ATP2B2: variants seen among roughly 807,000 people sequenced by gnomAD.
The protein encoded by ATP2B2 is ATPase plasma membrane Ca2+ transporting 2.
Under a neutral mutation model 120.0 loss-of-function variants are expected in ATP2B2, and 15 were observed. That is an observed-to-expected ratio of 0.12 (90% confidence interval 0.08 to 0.19). ATP2B2 has a LOEUF of 0.19. ATP2B2 is among the 10% of genes least tolerant of loss of function. The pLI, the probability that ATP2B2 is intolerant of heterozygous loss-of-function variation, is 1.00. For missense variants in ATP2B2, 1,045 were observed against 1,719.8 expected (o/e 0.61, Z 6.94); for synonymous variants, 694 against 700.3 (o/e 0.99, Z 0.14).
At chr3:10,683,115 C>T (rs554728748) in intron 1 of ATP2B2, among the ~76,000 whole-genome samples, 21 of 151,764 alleles carry the variant, frequency 1.4e-4, no homozygotes, top group African/African-American at 4.8e-4. Flanking sequence ...AACCCCTCTG[C>T]CAGGGTTTTT....
At chr3:10,489,986 A>C (rs1358506327) in intron 1 of ATP2B2, among the ~76,000 whole-genome samples, 1 of 152,172 alleles carries the variant, frequency 6.6e-6, no homozygotes, top group Admixed American at 6.5e-5. Context: ...GTGCCTGCTC[A>C]AGTGGTGCCT....
At chr3:10,610,465 C>A (rs1301361458) in intron 2 of ATP2B2, among the ~76,000 whole-genome samples, 1 of 152,174 alleles carries the variant, frequency 6.6e-6, no homozygotes, top group Non-Finnish European at 1.5e-5. Context: ...CTGCTTCTAG[C>A]TGCTTCTCCT....
chr3:10,337,343 G>A (rs112279498), intron 22 of ATP2B2, among the ~76,000 whole-genome samples: 4 of 152,252 alleles, frequency 2.6e-5, no homozygotes, highest in African/African-American at 9.6e-5. Flanking sequence ...CAAGCATGCT[G>A]GGGCATGGAG....
At chr3:10,515,298 T>C (rs2066855102) in intron 3 of ATP2B2, among the ~76,000 whole-genome samples, 1 of 152,174 alleles carries the variant, frequency 6.6e-6, no homozygotes, top group Non-Finnish European at 1.5e-5. Flanking sequence ...ACATAGTGGG[T>C]GTTCAGGGAT....
intron 1 of ATP2B2, among the ~76,000 whole-genome samples, chr3:10,461,959 T>G (rs1559367173): frequency 6.6e-6 from 1 of 152,122 alleles, no homozygotes; most frequent in Non-Finnish European, 1.5e-5. Context: ...GCACCTCCCT[T>G]CCTTCTTCCC....
chr3:10,447,162 C>T (rs183142239), intron 2 of ATP2B2, among the ~76,000 whole-genome samples: 4 of 152,354 alleles, frequency 2.6e-5, no homozygotes, highest in African/African-American at 7.2e-5. Flanking sequence ...AGAGCTCCCC[C>T]ACCTTAGGCT....
intron 2 of ATP2B2, among the ~76,000 whole-genome samples, chr3:10,540,905 T>C (rs927994258): frequency 2.6e-5 from 4 of 151,868 alleles, no homozygotes; most frequent in African/African-American, 9.7e-5. Context: ...GGATTTTTTT[T>C]TTAGGAAATT....
Position 10,358,465 on chromosome 3 carries a change from G to A in ATP2B2, c.2136+226C>T, listed in dbSNP as rs150725836. On this transcript the variant is annotated intron_variant, in intron 14 of 22. Transcript: ENST00000360273. ...CTGCCCCCATGGCAGAGCAATACCT[G>A]CTGGCAACCTGTGGGTTCTGTGTCC... Among the ~76,000 whole-genome samples the A allele has an allele frequency of 4.6e-5, 7 of 152,370 alleles. No homozygotes were observed. In the East Asian group the frequency reaches 1.2e-3, roughly 25 times the overall value.
chr3:10,661,641 G>A (rs1468617249), intron 1 of ATP2B2, among the ~76,000 whole-genome samples: 8 of 152,202 alleles, frequency 5.3e-5, no homozygotes, highest in Non-Finnish European at 7.3e-5. Context: ...TCATGGATAG[G>A]AAGAATCAAT....
intron 16 of ATP2B2, among the ~76,000 whole-genome samples, 160 bp downstream of exon 16, chr3:10,349,952 G>A (rs1030095769): frequency 6.6e-6 from 1 of 152,012 alleles, no homozygotes; most frequent in Non-Finnish European, 1.5e-5. Flanking sequence ...CAGGCTCCTG[G>A]GGCTGAAAAG....
intron 6 of ATP2B2, 145 bp from the exon 7 acceptor site, chr3:10,386,657 G>T: frequency 1.1e-6 from 1 of 935,724 alleles, no homozygotes; most frequent in Non-Finnish European, 1.7e-6. Context: ...ACATGTGGCG[G>T]GCTCTAAGCA....
At chr3:10,484,098 C>T (rs1466958198) in intron 1 of ATP2B2, among the ~76,000 whole-genome samples, 1 of 152,196 alleles carries the variant, frequency 6.6e-6, no homozygotes, top group Non-Finnish European at 1.5e-5. Context: ...GCAGCATTGG[C>T]GGGGTGCTGT....
intron 5 of ATP2B2, chr3:10,394,503 C>T (rs576167417): frequency 3.8e-5 from 18 of 471,202 alleles, no homozygotes; most frequent in Admixed American, 2.8e-4. Flanking sequence ...GTGCTCTATC[C>T]ACTACACCCC....
chr3:10,345,453 G>A lies in ATP2B2; in HGVS notation c.2634C>T (p.Phe878=), dbSNP rs867936951. The A allele has an allele frequency of 1.9e-6, 3 of 1,614,114 alleles. No homozygotes were observed. Among genetic ancestry groups the A allele is most frequent in the African/African-American group, 2.7e-5 (2 of 74,946 alleles). The change falls in exon 18 of 23, where the codon TTC becomes TTT. Residue 878 remains phenylalanine (F), a synonymous_variant. Transcript: ENST00000360273. The part of the protein sequence containing the change: ...GRNVYDSISK[F]LQFQLTVNVV... ...CGTTGACGGTGAGCTGGAACTGCAA[G>A]AATTTGGAGATGCTGTCATAGACGT...
In ATP2B2 at chr3:10,385,410, G is replaced by A. The variant is rs1483032193; in HGVS notation, c.941-83C>T. On this transcript the variant is annotated intron_variant, in intron 7 of 22. Transcript: ENST00000360273. Reference sequence around the variant, plus strand: ...GACAAAGACATGAACCAACTTGTGGGGAGATAACATGACTCTATTCTTAAA... The same window carrying A: ...GACAAAGACATGAACCAACTTGTGGAGAGATAACATGACTCTATTCTTAAA... 1.5e-5 allele frequency: 18 copies of A among 1,232,432 alleles called. No individual in the cohort carries two copies. In the Admixed American group the frequency reaches 3.0e-4, roughly 20 times the overall value. The allele number at this position is 1,232,432 out of a possible 1,614,324, so 76.3% of individuals were successfully genotyped here.
Position 10,450,876 on chromosome 3 carries a change from T to G in ATP2B2, c.-319-1014A>C, listed in dbSNP as rs547862240. Among the ~76,000 whole-genome samples the G allele has an allele frequency of 3.3e-5, 5 of 151,852 alleles. No individual in the cohort carries two copies. In the South Asian group the frequency reaches 1.0e-3, roughly 32 times the overall value. On this transcript the variant is annotated intron_variant, in intron 1 of 22. Transcript: ENST00000360273. ...GGCCGAGGCCCCAGCAAGCGTTGGG[T>G]GACAAAGGGCCCCAGCTGAGCTCGG...
At chr3:10,668,567 GA>G (rs143432245) in intron 1 of ATP2B2, among the ~76,000 whole-genome samples, 3,485 of 152,286 alleles carry the variant, frequency 0.023, 60 homozygotes, top group South Asian at 0.079. Flanking sequence ...TTCTTTCCCA[GA>G]TATCCTAAGG....
At chr3:10,678,018 G>C (rs1344996566) in intron 1 of ATP2B2, among the ~76,000 whole-genome samples, 1 of 152,110 alleles carries the variant, frequency 6.6e-6, no homozygotes, top group Non-Finnish European at 1.5e-5. Flanking sequence ...TACTGTCCAA[G>C]GTCACACAGC....
chr3:10,629,885 C>T (rs887907439), intron 1 of ATP2B2, among the ~76,000 whole-genome samples: 6 of 152,214 alleles, frequency 3.9e-5, no homozygotes, highest in African/African-American at 7.2e-5. Context: ...ACATGGGTAT[C>T]GATGCTGTGC....
Sources: gnomAD v4.1 joint callset for allele counts (sites outside exome capture counted in the v4.1 genomes callset) on GRCh38, gnomAD v4.1.1 for gene constraint, MANE v1.5 for transcripts, NCBI Gene and HGNC (gene_info 2026-07-23, HGNC 2026-07-21) for gene names.